HECW2: variants seen among roughly 807,000 people sequenced by gnomAD.
HECW2 encodes HECT, C2 and WW domain containing E3 ubiquitin protein ligase 2.
A neutral mutation model predicts 175.2 loss-of-function variants in HECW2; 61 were observed. The ratio of observed to expected loss-of-function variants is 0.35; its 90% CI spans 0.28 to 0.43. The LOEUF (loss-of-function observed/expected upper bound fraction) is 0.43. Ranked by LOEUF, HECW2 falls within the 20% of genes least tolerant of loss-of-function variation. The probability of loss-of-function intolerance (pLI) is 1.00; values close to 1 mark genes in which losing one functional copy is unlikely to be tolerated. For synonymous variants in HECW2, 671 were observed against 731.0 expected (o/e 0.92, Z 1.32); for missense variants, 1,524 against 2,000.5 (o/e 0.76, Z 4.54).
chr2:196,476,132 G>A (rs141184990), intron 1 of HECW2, among the ~76,000 whole-genome samples: 23 of 149,898 alleles, frequency 1.5e-4, no homozygotes, highest in African/African-American at 5.2e-4. Flanking sequence ...CCGTGCCTCA[G>A]TTTCCTCATC....
At chr2:196,238,193 C>A (rs563082801) in intron 21 of HECW2, among the ~76,000 whole-genome samples, 1 of 152,320 alleles carries the variant, frequency 6.6e-6, no homozygotes, top group South Asian at 2.1e-4. Flanking sequence ...CATGCCACTG[C>A]ACTCCAGCCT....
intron 10 of HECW2, among the ~76,000 whole-genome samples, chr2:196,314,621 C>T (rs115060730): frequency 6.6e-6 from 1 of 152,164 alleles, no homozygotes; most frequent in East Asian, 1.9e-4. Flanking sequence ...TGTGCAACAA[C>T]CTATTAATTA....
At chr2:196,211,445 G>A (rs1687281730) in intron 28 of HECW2, among the ~76,000 whole-genome samples, 1 of 152,176 alleles carries the variant, frequency 6.6e-6, no homozygotes, top group Non-Finnish European at 1.5e-5. Context: ...TGCTCAGGCT[G>A]TAGGTCTCCA....
At chr2:196,409,097 C>T (rs976587274) in intron 2 of HECW2, among the ~76,000 whole-genome samples, 5 of 152,158 alleles carry the variant, frequency 3.3e-5, no homozygotes, top group African/African-American at 7.2e-5. Flanking sequence ...AAAAATACTA[C>T]AGACCAGGGT....
intron 3 of HECW2, among the ~76,000 whole-genome samples, chr2:196,342,621 T>C (rs575562828): frequency 2.3e-4 from 35 of 152,270 alleles, no homozygotes; most frequent in African/African-American, 7.0e-4. Context: ...AACCAGGCAC[T>C]ATATATGAGC....
At chr2:196,445,349 A>T (rs915672669) in intron 1 of HECW2, among the ~76,000 whole-genome samples, 1 of 152,208 alleles carries the variant, frequency 6.6e-6, no homozygotes, top group Non-Finnish European at 1.5e-5. Context: ...ACAAAGGTAG[A>T]TCCATTACAG....
At chr2:196,413,346 C>A (rs1021801608) in intron 2 of HECW2, among the ~76,000 whole-genome samples, 2 of 151,746 alleles carry the variant, frequency 1.3e-5, no homozygotes, top group Admixed American at 6.6e-5. Flanking sequence ...CAGAGCAAGA[C>A]CCTGTCTTTT....
chr2:196,351,312 A>T (rs1693163251), intron 2 of HECW2, among the ~76,000 whole-genome samples: 1 of 152,166 alleles, frequency 6.6e-6, no homozygotes, highest in South Asian at 2.1e-4. Context: ...TTTTTAAAAG[A>T]TTAATTTTTT....
At chr2:196,405,539 A>T (rs757810784) in intron 2 of HECW2, among the ~76,000 whole-genome samples, 10 of 152,116 alleles carry the variant, frequency 6.6e-5, no homozygotes, top group Non-Finnish European at 1.3e-4. Context: ...CTTCTGGATG[A>T]AATGTCTCTG....
chr2:196,248,148 G>A lies in HECW2; in HGVS notation c.3529+5772C>T, dbSNP rs191481116. On this transcript the variant is annotated intron_variant, in intron 19 of 28. Coordinates refer to ENST00000644978, the MANE Select transcript of HECW2 (RefSeq NM_001348768.2). ...ATTCTCTGAGTAGTAAAAGGCCCTCGAGTCATTTCTTGGAGCTTGCTGATG... is the reference window on the plus strand; with the variant it reads ...ATTCTCTGAGTAGTAAAAGGCCCTCAAGTCATTTCTTGGAGCTTGCTGATG... 3.7e-3 allele frequency among the ~76,000 whole-genome samples: 570 copies of A among 152,234 alleles called. 1 individual carries two copies. Among genetic ancestry groups the A allele is most frequent in the African/African-American group, 0.012 (510 of 41,542 alleles).
intron 15 of HECW2, 90 bp downstream of exon 15, chr2:196,278,438 G>A: frequency 6.4e-6 from 8 of 1,247,120 alleles, no homozygotes; most frequent in African/African-American, 3.1e-5. Context: ...AAGAAAAAAT[G>A]CTTTAAAAAA....
intron 4 of HECW2, among the ~76,000 whole-genome samples, chr2:196,333,565 G>C (rs559378493): frequency 4.3e-4 from 65 of 151,842 alleles, no homozygotes; most frequent in Non-Finnish European, 9.1e-4. Flanking sequence ...ATAGGAGTCA[G>C]TATTTTTTCT....
chr2:196,518,573 T>C (rs975366013), intron 1 of HECW2, among the ~76,000 whole-genome samples: 5 of 147,558 alleles, frequency 3.4e-5, no homozygotes, highest in African/African-American at 5.0e-5. Context: ...AAGAATTGCT[T>C]GAACCCGGGA....
At chr2:196,221,815 C>T (rs539768037) in intron 24 of HECW2, among the ~76,000 whole-genome samples, 1 of 152,328 alleles carries the variant, frequency 6.6e-6, no homozygotes, top group Admixed American at 6.5e-5. Context: ...CTGCCTTGGC[C>T]TCCCAAAGTG....
chr2:196,515,042 G>T (rs1188116320), intron 1 of HECW2, among the ~76,000 whole-genome samples: 2 of 152,220 alleles, frequency 1.3e-5, no homozygotes, highest in Non-Finnish European at 1.5e-5. Flanking sequence ...CCTCTTTGGG[G>T]CTCTGCAGTT....
At chr2:196,584,333 A>G (rs1690899724) in intron 1 of HECW2, among the ~76,000 whole-genome samples, 1 of 152,136 alleles carries the variant, frequency 6.6e-6, no homozygotes, top group Non-Finnish European at 1.5e-5. Context: ...CCATCACCCT[A>G]TTTTTAGTGG....
chr2:196,499,233 T>C (rs1043854289), intron 1 of HECW2, among the ~76,000 whole-genome samples: 1 of 152,092 alleles, frequency 6.6e-6, no homozygotes, highest in Non-Finnish European at 1.5e-5. Flanking sequence ...ACATGATTAC[T>C]TCTTACAATA....
intron 1 of HECW2, among the ~76,000 whole-genome samples, chr2:196,453,770 C>T (rs1287796102): frequency 6.6e-6 from 1 of 152,012 alleles, no homozygotes; most frequent in Non-Finnish European, 1.5e-5. Flanking sequence ...GCTCACTAGC[C>T]CCACCTAATG....
chr2:196,359,396 C>T (rs963017346), intron 2 of HECW2, among the ~76,000 whole-genome samples: 6 of 152,096 alleles, frequency 3.9e-5, no homozygotes, highest in African/African-American at 9.7e-5. Context: ...TGCAGTGAGC[C>T]GAGGTGGTGC....
Sources: gnomAD v4.1 joint callset for allele counts (sites outside exome capture counted in the v4.1 genomes callset) on GRCh38, gnomAD v4.1.1 for gene constraint, MANE v1.5 for transcripts, NCBI Gene and HGNC (gene_info 2026-07-23, HGNC 2026-07-21) for gene names.